The following APP variants were observed in gnomAD, a reference collection of about 807,000 sequenced individuals.
APP encodes amyloid beta precursor protein.
A neutral mutation model predicts 101.4 loss-of-function variants in APP; 31 were observed. That is an observed-to-expected ratio of 0.31 (90% CI 0.23 to 0.41). The LOEUF is 0.41. APP is among the 10% of genes least tolerant of loss of function. The probability of loss-of-function intolerance (pLI) is 1.00; values close to 1 mark genes in which losing one functional copy is unlikely to be tolerated. For synonymous variants in APP, 366 were observed against 364.4 expected (o/e 1.00, Z -0.05); for missense variants, 839 against 1,003.7 (o/e 0.84, Z 2.22).
intron 3 of APP, among the ~76,000 whole-genome samples, chr21:26,059,271 T>C (rs1029712846): frequency 6.6e-6 from 1 of 152,166 alleles, no homozygotes; most frequent in African/African-American, 2.4e-5. Context: ...ACTAAAATGA[T>C]GTTGGCCAGA....
At chr21:26,147,669 T>C (rs1309154221) in intron 1 of APP, among the ~76,000 whole-genome samples, 2 of 152,194 alleles carry the variant, frequency 1.3e-5, no homozygotes, top group Non-Finnish European at 2.9e-5. Context: ...AGAGCATCTG[T>C]TCCCACAGAG....
intron 11 of APP, among the ~76,000 whole-genome samples, chr21:25,965,630 A>G (rs531764809): frequency 2.0e-5 from 3 of 152,312 alleles, no homozygotes; most frequent in African/African-American, 7.2e-5. Context: ...ACTGGTATCC[A>G]TGGTCAACCT....
At chr21:25,881,896 AT>A (rs1327557212) in intron 17 of APP, 125 bp from the exon 18 acceptor site, 2 of 964,714 alleles carry the variant, frequency 2.1e-6, no homozygotes, top group African/African-American at 3.2e-5. Flanking sequence ...AACACCCATA[AT>A]TTTCTCCCCC....
chr21:26,125,669 C>T, intron 1 of APP, among the ~76,000 whole-genome samples: 1 of 151,704 alleles, frequency 6.6e-6, no homozygotes, highest in East Asian at 1.9e-4. Flanking sequence ...TGAGTTTGTC[C>T]TGACGGGGGT....
chr21:26,084,427 A>G (rs1034286224), intron 3 of APP, among the ~76,000 whole-genome samples: 5 of 151,828 alleles, frequency 3.3e-5, no homozygotes, highest in African/African-American at 1.2e-4. Flanking sequence ...TTTAGTAGAG[A>G]CGGGGTTTCA....
chr21:26,009,079 A>G (rs1354860200), intron 6 of APP, among the ~76,000 whole-genome samples: 1 of 152,250 alleles, frequency 6.6e-6, no homozygotes, highest in Non-Finnish European at 1.5e-5. Context: ...TTTGAGAAGC[A>G]GCATGATCAA....
Position 25,954,673 on chromosome 21 carries a change from C to T in APP, c.1604G>A (p.Arg535His), listed in dbSNP as rs753052785. ...QIRSQVMTHL[R>H]VIYERMNQSL... is the part of the protein sequence containing the mutation. ...CTGATTCATGCGCTCATAAATCACA[C>T]GGAGGTGTGTCATAACCTGCATCAA... Residue 535 changes from arginine to histidine, a missense_variant, in exon 13 of 18, where the codon CGT becomes CAT. By Grantham distance (29) the Arg-to-His change is conservative. Transcript: ENST00000346798. 48 of 1,613,842 alleles carry T rather than the reference C, an allele frequency of 3.0e-5. No homozygotes were observed. The highest frequency in any genetic ancestry group is 1.6e-4 in the Middle Eastern group (1 of 6,084).
chr21:25,920,815 TCAA>T (rs1252607347), intron 13 of APP, among the ~76,000 whole-genome samples: 1 of 128,296 alleles, frequency 7.8e-6, no homozygotes, highest in Non-Finnish European at 1.6e-5. Flanking sequence ...ATTAGACAGA[TCAA>T]CGAGACAGAA....
At chr21:26,142,611 A>G (rs974617598) in intron 1 of APP, among the ~76,000 whole-genome samples, 9 of 152,118 alleles carry the variant, frequency 5.9e-5, no homozygotes, top group African/African-American at 2.2e-4. Context: ...TCTACAAAAA[A>G]TCTTTAAAAC....
intron 1 of APP, among the ~76,000 whole-genome samples, chr21:26,143,152 T>C (rs908602677): frequency 3.3e-5 from 5 of 152,322 alleles, no homozygotes; most frequent in African/African-American, 1.2e-4. Context: ...TACTATTAAA[T>C]ATTTAAACAA....
chr21:26,096,113 C>T (rs559795643), intron 2 of APP, among the ~76,000 whole-genome samples: 1 of 152,182 alleles, frequency 6.6e-6, no homozygotes, highest in African/African-American at 2.4e-5. Flanking sequence ...CCTAAGATCC[C>T]TTAGACTACA....
At chr21:26,078,028 C>A (rs1213285581) in intron 3 of APP, among the ~76,000 whole-genome samples, 1 of 152,150 alleles carries the variant, frequency 6.6e-6, no homozygotes, top group East Asian at 1.9e-4. Flanking sequence ...TTAATCCAGA[C>A]TGTAGATTCA....
At position 26,100,620 on chromosome 21, in the gene APP, T is replaced by C. The variant is rs138410563; in HGVS notation, c.226-10548A>G. The stretch of plus-strand genomic sequence containing the variant: ...AAACAATTCGTGTCTGGGAATCCCA[T>C]GTTCAGTTATGTATTTTAGAGGAGA... On this transcript the variant is annotated intron_variant, in intron 2 of 17. Transcript: ENST00000346798. Among the ~76,000 whole-genome samples the C allele has an allele frequency of 1.2e-3, 178 of 152,310 alleles. 1 individual carries two copies. Among genetic ancestry groups the C allele is most frequent in the African/African-American group, 4.0e-3 (167 of 41,586 alleles).
intron 5 of APP, among the ~76,000 whole-genome samples, chr21:26,039,748 T>C (rs899697381): frequency 7.2e-5 from 11 of 152,154 alleles, no homozygotes; most frequent in Non-Finnish European, 1.3e-4. Context: ...ACTTATTAAA[T>C]TGATAACAAA....
chr21:26,077,647 C>T (rs59737592), intron 3 of APP, among the ~76,000 whole-genome samples: 4,545 of 152,136 alleles, frequency 0.03, 212 homozygotes, highest in African/African-American at 0.1. Context: ...CTCTCTCCTG[C>T]GACCAGCCTC....
At chr21:26,025,686 A>G (rs2044538572) in intron 5 of APP, among the ~76,000 whole-genome samples, 1 of 152,216 alleles carries the variant, frequency 6.6e-6, no homozygotes, top group Admixed American at 6.5e-5. Context: ...TTATATGCCC[A>G]TCATCCATCC....
At chr21:26,153,513 G>A (rs1263071974) in intron 1 of APP, among the ~76,000 whole-genome samples, 2 of 152,012 alleles carry the variant, frequency 1.3e-5, no homozygotes, top group African/African-American at 2.4e-5. Context: ...ATCTCCTTAT[G>A]CTGCCCAGGC....
chr21:26,061,424 A>C (rs1219023711), intron 3 of APP, among the ~76,000 whole-genome samples: 1 of 152,104 alleles, frequency 6.6e-6, no homozygotes, highest in Non-Finnish European at 1.5e-5. Context: ...TTACTCCACA[A>C]ATTTTTTTGT....
chr21:26,051,097 G>C lies in APP; in HGVS notation c.565C>G (p.Leu189Val), dbSNP rs1208508997. ...TCCACATTGTCACTTTCTTCAGCCA[G>C]TGGGCAACACACAAACTCTACCCCT... Reference protein sequence around the residue: ...FRGVEFVCCPLAEESDNVDSA... With the variant: ...FRGVEFVCCPVAEESDNVDSA... Residue 189 changes from leucine (L) to valine (V), a missense_variant, in exon 5 of 18, where the codon CTG becomes GTG. Coordinates refer to ENST00000346798, the MANE Select transcript of APP (RefSeq NM_000484.4). 1.2e-6 allele frequency: 2 copies of C among 1,614,158 alleles called. No individual in the cohort carries two copies. Among genetic ancestry groups the C allele is most frequent in the Admixed American group, 1.7e-5 (1 of 60,020 alleles).
Sources: gnomAD v4.1 joint callset for allele counts (sites outside exome capture counted in the v4.1 genomes callset) on GRCh38, gnomAD v4.1.1 for gene constraint, MANE v1.5 for transcripts, NCBI Gene and HGNC (gene_info 2026-07-23, HGNC 2026-07-21) for gene names.